GRID1: variants seen among roughly 807,000 people sequenced by gnomAD.
The protein encoded by GRID1 is glutamate receptor ionotropic, delta-1.
Under a neutral mutation model 98.0 loss-of-function variants are expected in GRID1, and 28 were observed. The ratio of observed to expected loss-of-function variants is 0.29; its 90% confidence interval spans 0.21 to 0.39. The LOEUF (loss-of-function observed/expected upper bound fraction) is 0.39, where lower values mean the gene tolerates loss of function less well. Among genes scored for constraint, GRID1 ranks in the 10% least tolerant of loss-of-function variants. The pLI is 1.00. For missense variants in GRID1, 1,111 were observed against 1,340.5 expected (o/e 0.83, Z 2.67); for synonymous variants, 553 against 538.5 (o/e 1.03, Z -0.37).
chr10:85,859,387 T>TGATGGATG (rs375821889), intron 6 of GRID1, among the ~76,000 whole-genome samples: 8 of 149,710 alleles, frequency 5.3e-5, no homozygotes, highest in African/African-American at 1.2e-4. Context: ...AGTGATGAAG[T>TGATGGATG]GATGGATGGA....
intron 4 of GRID1, among the ~76,000 whole-genome samples, chr10:85,945,123 G>A (rs1842039883): frequency 1.3e-5 from 2 of 152,074 alleles, no homozygotes; most frequent in African/African-American, 4.8e-5. Flanking sequence ...TTTGAAGCAG[G>A]TGCTCCGTTA....
rs562405047 is a variant in GRID1, at chr10:86,120,002, G to A, written c.726+18817C>T. Among the ~76,000 whole-genome samples, 12 of 151,828 alleles carry A rather than the reference G, an allele frequency of 7.9e-5. 1 individual carries two copies. Among genetic ancestry groups the A allele is most frequent in the African/African-American group, 2.7e-4 (11 of 41,392 alleles). On this transcript the variant is annotated intron_variant, in intron 4 of 15. Transcript: ENST00000327946. ...TATTTTAGAAGAGAGGGGTTTCAAC[G>A]TGTTAGCAAGATGGTCTCGATCTCC... is the stretch of plus-strand genomic sequence containing the variant.
At chr10:85,924,019 C>T (rs1841742392) in intron 4 of GRID1, among the ~76,000 whole-genome samples, 1 of 152,114 alleles carries the variant, frequency 6.6e-6, no homozygotes, top group African/African-American at 2.4e-5. Context: ...GAAGTGAGCT[C>T]CTGGAGGCCA....
intron 4 of GRID1, among the ~76,000 whole-genome samples, chr10:85,986,538 A>G (rs1472496390): frequency 1.3e-5 from 2 of 152,224 alleles, no homozygotes; most frequent in Admixed American, 6.5e-5. Flanking sequence ...AGGAGCCTGC[A>G]TCATCGCCAG....
At chr10:86,043,240 C>T (rs565588638) in intron 4 of GRID1, among the ~76,000 whole-genome samples, 115 of 152,200 alleles carry the variant, frequency 7.6e-4, no homozygotes, top group Non-Finnish European at 9.6e-4. Flanking sequence ...GGACTTTCTC[C>T]CGGAACTCTC....
chr10:85,643,950 C>T (rs923331061), intron 13 of GRID1: 7 of 152,146 alleles, frequency 4.6e-5, no homozygotes, highest in Middle Eastern at 3.2e-3. Context: ...TATCACCAGA[C>T]GGTGAGTGGT....
intron 4 of GRID1, among the ~76,000 whole-genome samples, chr10:86,097,462 GTCTA>G (rs1400432168): frequency 6.6e-6 from 1 of 152,040 alleles, no homozygotes. Context: ...TCTGTCTACC[GTCTA>G]TCTATCTACC....
At chr10:85,738,886 G>C (rs1841912590) in intron 8 of GRID1, among the ~76,000 whole-genome samples, 1 of 152,112 alleles carries the variant, frequency 6.6e-6, no homozygotes, top group Admixed American at 6.6e-5. Context: ...TGGGACATTT[G>C]GGGCTAATGG....
chr10:85,944,691 T>C (rs1842033920), intron 4 of GRID1, among the ~76,000 whole-genome samples: 1 of 152,152 alleles, frequency 6.6e-6, no homozygotes, highest in African/African-American at 2.4e-5. Flanking sequence ...GGCAAACATG[T>C]ATATCTCTCA....
intron 12 of GRID1, among the ~76,000 whole-genome samples, chr10:85,649,731 G>A (rs956770238): frequency 4.6e-5 from 7 of 152,040 alleles, no homozygotes; most frequent in African/African-American, 1.2e-4. Context: ...TCATTAAGGC[G>A]CCCACGGCCA....
In GRID1 at chr10:85,923,549, A is replaced by T. The variant is rs114461282; in HGVS notation, c.727-7310T>A. Among the ~76,000 whole-genome samples, 718 of 152,230 alleles carry T rather than the reference A, an allele frequency of 4.7e-3. 10 individuals are homozygous for T. The highest frequency in any genetic ancestry group is 0.017 in the African/African-American group (687 of 41,536). On this transcript the variant is annotated intron_variant, in intron 4 of 15. Coordinates refer to ENST00000327946, the MANE Select transcript of GRID1 (RefSeq NM_017551.3). Reference sequence around the variant, plus strand: ...CTCATCCAGCCCAGACCCTGAGCTAAGCCCTCTACACACGATCCCTCCCTG... The same window carrying T: ...CTCATCCAGCCCAGACCCTGAGCTATGCCCTCTACACACGATCCCTCCCTG...
intron 4 of GRID1, among the ~76,000 whole-genome samples, chr10:86,087,578 A>C (rs1589366782): frequency 6.6e-6 from 1 of 151,824 alleles, no homozygotes; most frequent in Non-Finnish European, 1.5e-5. Context: ...CAAGACAGAG[A>C]CCAGGCCAGC....
At chr10:86,128,260 G>C (rs1442646430) in intron 4 of GRID1, among the ~76,000 whole-genome samples, 1 of 152,098 alleles carries the variant, frequency 6.6e-6, no homozygotes, top group Non-Finnish European at 1.5e-5. Flanking sequence ...TTAAATCGAA[G>C]TGGTTCAAGT....
intron 3 of GRID1, among the ~76,000 whole-genome samples, chr10:86,165,127 C>G (rs931546994): frequency 6.6e-6 from 1 of 152,106 alleles, no homozygotes; most frequent in Non-Finnish European, 1.5e-5. Context: ...TTTCAATCAA[C>G]CCCAGCTATG....
chr10:86,223,011 G>C (rs1404165851), intron 2 of GRID1, among the ~76,000 whole-genome samples: 1 of 152,168 alleles, frequency 6.6e-6, no homozygotes, highest in Non-Finnish European at 1.5e-5. Flanking sequence ...ATGAGCTCCT[G>C]CTGGCTGGGA....
At chr10:85,615,821 G>A (rs1213555843) in intron 14 of GRID1, among the ~76,000 whole-genome samples, 1 of 152,202 alleles carries the variant, frequency 6.6e-6, no homozygotes, top group African/African-American at 2.4e-5. Context: ...TGAGCCTCCT[G>A]GCAGTTGCAG....
At chr10:85,724,906 T>A (rs987273794) in intron 10 of GRID1, among the ~76,000 whole-genome samples, 2 of 152,254 alleles carry the variant, frequency 1.3e-5, no homozygotes, top group Admixed American at 1.3e-4. Flanking sequence ...AGGAAACTGC[T>A]TCTACAGAAA....
At chr10:85,744,504 A>C (rs1244649685) in intron 8 of GRID1, among the ~76,000 whole-genome samples, 11 of 147,374 alleles carry the variant, frequency 7.5e-5, no homozygotes, top group African/African-American at 2.8e-4. Context: ...GTGCTGGGAA[A>C]ACTGGCTAGC....
intron 12 of GRID1, among the ~76,000 whole-genome samples, chr10:85,682,372 C>T (rs1841220107): frequency 6.6e-6 from 1 of 152,198 alleles, no homozygotes; most frequent in Non-Finnish European, 1.5e-5. Context: ...CAATTATGGT[C>T]TATGATTAGT....
Sources: allele counts gnomAD v4.1 joint callset (sites outside exome capture counted in the v4.1 genomes callset), GRCh38; gene constraint gnomAD v4.1.1; transcripts MANE v1.5; gene names NCBI Gene and HGNC (gene_info 2026-07-23, HGNC 2026-07-21).